Variants in MAML2 observed in about 807,000 individuals in gnomAD.
MAML2 encodes mastermind like transcriptional coactivator 2, also known as mastermind-like protein 2.
MAML2 carries 22 observed loss-of-function variants against 96.1 expected under a neutral mutation model. The ratio of observed to expected loss-of-function variants is 0.23; its 90% CI spans 0.16 to 0.33. The LOEUF (loss-of-function observed/expected upper bound fraction) is 0.33. MAML2 is among the 10% of genes least tolerant of loss of function. MAML2 has a pLI of 1.00. For synonymous variants in MAML2, 561 were observed against 521.3 expected, an observed-to-expected ratio of 1.08 and a Z score of -1.04; for missense variants, 1,367 against 1,392.4, an observed-to-expected ratio of 0.98 and a Z score of 0.29.
chr11:96,198,763 C>T (rs950975176), intron 1 of MAML2, among the ~76,000 whole-genome samples: 3 of 152,028 alleles, frequency 2.0e-5, no homozygotes, highest in African/African-American at 7.2e-5. Context: ...TGAGTCGTAC[C>T]ATCCCTTACT....
At chr11:96,016,258 T>C (rs941819000) in intron 2 of MAML2, among the ~76,000 whole-genome samples, 1 of 64,254 alleles carries the variant, frequency 1.6e-5, no homozygotes, top group Non-Finnish European at 2.9e-5. Flanking sequence ...TGCCTACGTG[T>C]ACATGGGGGG....
At chr11:96,154,604 T>C (rs1007874384) in intron 1 of MAML2, among the ~76,000 whole-genome samples, 3 of 152,094 alleles carry the variant, frequency 2.0e-5, no homozygotes, top group African/African-American at 4.8e-5. Context: ...ATTTTCAGTA[T>C]TGGTTGGTAA....
chr11:96,249,473 T>C (rs778073879), intron 1 of MAML2, among the ~76,000 whole-genome samples: 9 of 152,076 alleles, frequency 5.9e-5, no homozygotes, highest in African/African-American at 1.2e-4. Flanking sequence ...CATGTCAAAC[T>C]AAAATGTCCA....
At chr11:96,233,922 G>A (rs1036178151) in intron 1 of MAML2, among the ~76,000 whole-genome samples, 3 of 152,062 alleles carry the variant, frequency 2.0e-5, no homozygotes, top group Non-Finnish European at 4.4e-5. Flanking sequence ...AGAAGAAGTG[G>A]TGGCCAGGTG....
intron 2 of MAML2, among the ~76,000 whole-genome samples, chr11:96,022,025 A>T (rs142594493): frequency 4.3e-4 from 66 of 152,192 alleles, no homozygotes; most frequent in African/African-American, 1.6e-3. Context: ...TGTGTCCATG[A>T]CTAAGCTGGG....
intron 2 of MAML2, among the ~76,000 whole-genome samples, chr11:96,047,910 CAAAAAAAA>C (rs71459784): frequency 1.2e-5 from 1 of 82,476 alleles, no homozygotes; most frequent in South Asian, 4.0e-4. Flanking sequence ...GACTCTGCCT[CAAAAAAAA>C]AAAAAAAAAA....
chr11:96,057,174 T>C (rs1859083295), intron 2 of MAML2, among the ~76,000 whole-genome samples: 1 of 152,152 alleles, frequency 6.6e-6, no homozygotes, highest in Non-Finnish European at 1.5e-5. Flanking sequence ...CATCCATGAG[T>C]GCCATGGATG....
At chr11:96,172,430 T>C (rs1861310992) in intron 1 of MAML2, among the ~76,000 whole-genome samples, 1 of 152,230 alleles carries the variant, frequency 6.6e-6, no homozygotes, top group Non-Finnish European at 1.5e-5. Flanking sequence ...CTAAGCCTGC[T>C]CCTTTTACAA....
intron 1 of MAML2, among the ~76,000 whole-genome samples, chr11:96,232,658 A>G (rs1326927093): frequency 1.3e-5 from 2 of 152,066 alleles, no homozygotes; most frequent in African/African-American, 4.8e-5. Context: ...TTTTTAGTAG[A>G]GACGGGGTTT....
At chr11:96,061,973 G>A (rs374275704) in intron 2 of MAML2, among the ~76,000 whole-genome samples, 6 of 152,040 alleles carry the variant, frequency 3.9e-5, no homozygotes, top group South Asian at 2.1e-4. Context: ...AGCAAAATGC[G>A]AAACTATCAT....
chr11:96,204,649 G>A (rs1176333082), intron 1 of MAML2, among the ~76,000 whole-genome samples: 1 of 152,130 alleles, frequency 6.6e-6, no homozygotes, highest in Non-Finnish European at 1.5e-5. Flanking sequence ...GACTCCAAGA[G>A]TTTTTGTTTT....
chr11:96,007,571 T>G (rs991099550), intron 2 of MAML2, among the ~76,000 whole-genome samples: 1 of 152,172 alleles, frequency 6.6e-6, no homozygotes, highest in East Asian at 1.9e-4. Flanking sequence ...ATAGTGGTTA[T>G]TTTAAGAATA....
intron 1 of MAML2, among the ~76,000 whole-genome samples, chr11:96,283,628 A>G (rs1565272768): frequency 6.6e-6 from 1 of 152,208 alleles, no homozygotes; most frequent in Non-Finnish European, 1.5e-5. Context: ...AGAGAAGAGG[A>G]ACACATTAAG....
chr11:96,155,972 G>A (rs1355592214), intron 1 of MAML2, among the ~76,000 whole-genome samples: 1 of 152,116 alleles, frequency 6.6e-6, no homozygotes, highest in African/African-American at 2.4e-5. Flanking sequence ...GACATAACAA[G>A]CTTCTTTACT....
intron 1 of MAML2, among the ~76,000 whole-genome samples, chr11:96,292,975 T>A (rs1863236594): frequency 6.6e-6 from 1 of 152,228 alleles, no homozygotes; most frequent in South Asian, 2.1e-4. Flanking sequence ...TCATTGTTTA[T>A]GGATTTTCTA....
chr11:96,145,555 A>T (rs761625247), intron 1 of MAML2, among the ~76,000 whole-genome samples: 17 of 152,286 alleles, frequency 1.1e-4, no homozygotes, highest in Middle Eastern at 3.4e-3. Flanking sequence ...TGGAAGAAAT[A>T]TTTGTCTAGG....
chr11:96,101,986 A>G (rs1859939438), intron 1 of MAML2, among the ~76,000 whole-genome samples: 1 of 152,178 alleles, frequency 6.6e-6, no homozygotes, highest in South Asian at 2.1e-4. Flanking sequence ...CTCTTAAAAT[A>G]CTGTTTTCAG....
Position 96,250,191 on chromosome 11 carries a change from A to G in MAML2, c.513+91192T>C, listed in dbSNP as rs1862563947. Among the ~76,000 whole-genome samples, 3 of 152,156 alleles carry G rather than the reference A, an allele frequency of 2.0e-5. No homozygotes were observed. In the South Asian group the frequency reaches 6.2e-4, roughly 32 times the overall value. ...CCTGTTTATGAGTATACATCCATCT[A>G]GGCTTGGTAGACAAATTATCTGCTT... On this transcript the variant is annotated intron_variant, in intron 1 of 4. Transcript: ENST00000524717.
chr11:96,048,921 T>C (rs943139324), intron 2 of MAML2, among the ~76,000 whole-genome samples: 24 of 152,248 alleles, frequency 1.6e-4, no homozygotes, highest in Non-Finnish European at 3.2e-4. Context: ...GTGCTAGCCA[T>C]AGTGGAAGAA....
Sources: allele counts gnomAD v4.1 joint callset (sites outside exome capture counted in the v4.1 genomes callset), GRCh38; gene constraint gnomAD v4.1.1; transcripts MANE v1.5; gene names NCBI Gene and HGNC (gene_info 2026-07-23, HGNC 2026-07-21).